WWC2: variants seen among roughly 807,000 people sequenced by gnomAD.
WWC2 encodes the protein WW and C2 domain containing 2.
In WWC2, 101 loss-of-function variants were observed where a neutral mutation model predicts 138.5. The observed-to-expected ratio is 0.73, with a 90% CI of 0.62 to 0.86. The LOEUF (loss-of-function observed/expected upper bound fraction) is 0.86. WWC2 is among the 40% of genes least tolerant of loss of function. WWC2 has a pLI of 0.00. For synonymous variants in WWC2, 558 were observed against 538.4 expected (o/e 1.04, Z -0.50); for missense variants, 1,420 against 1,419.4 (o/e 1.00, Z -0.01).
At chr4:183,224,102 A>G (rs1212043588) in intron 4 of WWC2, among the ~76,000 whole-genome samples, 3 of 152,346 alleles carry the variant, frequency 2.0e-5, no homozygotes, top group East Asian at 1.9e-4. Flanking sequence ...GGTCATTTGT[A>G]GAATTCCTCG....
At chr4:183,123,402 G>GGCGTGT (rs1554065768) in intron 1 of WWC2, among the ~76,000 whole-genome samples, 1 of 147,604 alleles carries the variant, frequency 6.8e-6, no homozygotes, top group Non-Finnish European at 1.5e-5. Context: ...GCAAGTTTCA[G>GGCGTGT]GTGTGTGTGT....
At chr4:183,273,834 A>G (rs1173158498) in intron 16 of WWC2, among the ~76,000 whole-genome samples, 47 of 152,164 alleles carry the variant, frequency 3.1e-4, no homozygotes, top group Non-Finnish European at 5.9e-5. Context: ...CTTTGCCTAA[A>G]CTAATATCAC....
At chr4:183,133,124 T>C (rs1487054482) in intron 1 of WWC2, among the ~76,000 whole-genome samples, 10 of 138,892 alleles carry the variant, frequency 7.2e-5, no homozygotes, top group African/African-American at 2.1e-4. Context: ...TTCCTTCCCT[T>C]TTTTTCTTTT....
chr4:183,113,157 A>C (rs1029371750), intron 1 of WWC2, among the ~76,000 whole-genome samples: 5 of 151,882 alleles, frequency 3.3e-5, no homozygotes, highest in African/African-American at 1.2e-4. Context: ...TTGTAATCTC[A>C]GCTACTTGAG....
chr4:183,175,703 A>C (rs956947486), intron 1 of WWC2, among the ~76,000 whole-genome samples: 1 of 152,168 alleles, frequency 6.6e-6, no homozygotes, highest in African/African-American at 2.4e-5. Flanking sequence ...TTTTGCTTTT[A>C]ATTAATCTTG....
At chr4:183,117,513 G>A (rs959047515) in intron 1 of WWC2, among the ~76,000 whole-genome samples, 4 of 152,008 alleles carry the variant, frequency 2.6e-5, no homozygotes, top group Non-Finnish European at 5.9e-5. Context: ...GAGCCACTGT[G>A]CCCGGCCACG....
intron 17 of WWC2, among the ~76,000 whole-genome samples, chr4:183,282,355 A>G (rs1173621696): frequency 6.6e-6 from 1 of 152,254 alleles, no homozygotes; most frequent in Non-Finnish European, 1.5e-5. Context: ...TTTACAATAA[A>G]TGAACAACGA....
intron 1 of WWC2, among the ~76,000 whole-genome samples, chr4:183,142,165 G>C (rs1733319388): frequency 1.3e-5 from 2 of 152,330 alleles, no homozygotes; most frequent in Middle Eastern, 3.4e-3. Context: ...ACCAAATACA[G>C]AGGCCCCATA....
At chr4:183,253,596 G>A (rs1008594936) in intron 8 of WWC2, among the ~76,000 whole-genome samples, 161 bp from the exon 9 acceptor site, 2 of 152,122 alleles carry the variant, frequency 1.3e-5, no homozygotes, top group African/African-American at 4.8e-5. Flanking sequence ...CAAGGCTGCT[G>A]CTCCCACTCC....
chr4:183,106,943 TA>T (rs1342751615), intron 1 of WWC2, among the ~76,000 whole-genome samples: 4 of 152,190 alleles, frequency 2.6e-5, no homozygotes, highest in Non-Finnish European at 4.4e-5. Context: ...TATACATGTC[TA>T]AAAGTGGAGT....
chr4:183,314,879 A>G (rs193200571), intron 22 of WWC2, among the ~76,000 whole-genome samples: 121 of 152,204 alleles, frequency 7.9e-4, no homozygotes, highest in Admixed American at 2.2e-3. Context: ...ATCCTTTCTT[A>G]GTCTTCAGAA....
rs374546832 is a variant in WWC2 at position 183,149,064 on chromosome 4, CT to C, written c.132-44527del. Among the ~76,000 whole-genome samples, 155 of 151,682 alleles carry C rather than the reference CT, an allele frequency of 1.0e-3. 3 individuals carry two copies. The East Asian group carries it at 0.015, about 15-fold the overall frequency. ...CCTTTAGAATCTCACTCATCTAAGT[CT>C]TTTTTTTATTGTAAAAAATAAAACC... On this transcript the variant is annotated intron_variant, in intron 1 of 22. Transcript: ENST00000403733.
At chr4:183,254,033 C>T (rs1261173387) in intron 9 of WWC2, 34 bp downstream of exon 9, 2 of 1,604,352 alleles carry the variant, frequency 1.2e-6, no homozygotes, top group African/African-American at 1.3e-5. Flanking sequence ...GGCAGCTTAA[C>T]TCTTGTGGGG....
At chr4:183,179,372 A>C (rs781503022) in intron 1 of WWC2, among the ~76,000 whole-genome samples, 15 of 152,246 alleles carry the variant, frequency 9.9e-5, no homozygotes, top group Non-Finnish European at 2.2e-4. Context: ...GTAAGATTTT[A>C]ATAACTATTT....
chr4:183,179,974 C>T (rs944427750), intron 1 of WWC2, among the ~76,000 whole-genome samples: 5 of 152,062 alleles, frequency 3.3e-5, no homozygotes, highest in African/African-American at 1.2e-4. Flanking sequence ...AAAATACTTC[C>T]AGAGCTTAAC....
chr4:183,189,591 A>T (rs1734932242), intron 1 of WWC2, among the ~76,000 whole-genome samples: 2 of 152,226 alleles, frequency 1.3e-5, no homozygotes, highest in African/African-American at 4.8e-5. Flanking sequence ...CTCTTAGAGC[A>T]ATTCAGTGAT....
chr4:183,165,969 T>C (rs1580004804), intron 1 of WWC2, among the ~76,000 whole-genome samples: 1 of 152,356 alleles, frequency 6.6e-6, no homozygotes, highest in Admixed American at 6.5e-5. Context: ...GATACATTTA[T>C]GTAGCAGTGT....
intron 4 of WWC2, among the ~76,000 whole-genome samples, chr4:183,210,704 C>T (rs1735572720): frequency 6.6e-6 from 1 of 152,194 alleles, no homozygotes; most frequent in African/African-American, 2.4e-5. Flanking sequence ...AGGGCTACTA[C>T]ACACCTCAGC....
At chr4:183,300,881 T>C (rs73006723) in intron 21 of WWC2, among the ~76,000 whole-genome samples, 14,474 of 152,174 alleles carry the variant, frequency 0.095, 781 homozygotes, top group South Asian at 0.17. Context: ...CTGCAAGGGA[T>C]AGGATCCTCT....
Sources: gnomAD v4.1 joint callset for allele counts (sites outside exome capture counted in the v4.1 genomes callset) on GRCh38, gnomAD v4.1.1 for gene constraint, MANE v1.5 for transcripts, NCBI Gene and HGNC (gene_info 2026-07-23, HGNC 2026-07-21) for gene names.